The following GREB1L variants were observed in gnomAD, a reference collection of about 807,000 sequenced individuals.
The protein encoded by GREB1L is GREB1 like retinoic acid receptor coactivator.
A neutral mutation model predicts 200.8 loss-of-function variants in GREB1L; 17 were observed. The observed-to-expected ratio is 0.08, with a 90% CI of 0.06 to 0.13. The LOEUF (loss-of-function observed/expected upper bound fraction) is 0.13. Ranked by LOEUF, GREB1L falls within the 10% of genes least tolerant of loss-of-function variation. The probability of loss-of-function intolerance (pLI) is 1.00; values close to 1 mark genes in which losing one functional copy is unlikely to be tolerated. For missense variants in GREB1L, 1,657 were observed against 2,367.7 expected, an observed-to-expected ratio of 0.70 and a Z score of 6.23; for synonymous variants, 789 against 893.0, an observed-to-expected ratio of 0.88 and a Z score of 2.08.
At chr18:21,450,955 A>T in intron 12 of GREB1L, 68 bp from the exon 13 acceptor site, 1 of 1,471,674 alleles carries the variant, frequency 6.8e-7, no homozygotes, top group Non-Finnish European at 9.2e-7. Context: ...AATTGTTGCC[A>T]TTATAAGTAA....
intron 1 of GREB1L, among the ~76,000 whole-genome samples, chr18:21,331,303 CA>C (rs1370526465): frequency 1.3e-5 from 2 of 152,116 alleles, no homozygotes; most frequent in African/African-American, 4.8e-5. Flanking sequence ...TGTGGATATT[CA>C]AAAAGAAGGG....
At chr18:21,260,858 G>GA (rs893603438) in intron 1 of GREB1L, among the ~76,000 whole-genome samples, 22 of 151,992 alleles carry the variant, frequency 1.4e-4, no homozygotes, top group African/African-American at 5.1e-4. Context: ...GTTGAGCTCA[G>GA]AAGGTAGAGA....
chr18:21,293,405 T>G (rs1402415178), intron 1 of GREB1L, among the ~76,000 whole-genome samples: 1 of 152,210 alleles, frequency 6.6e-6, no homozygotes, highest in Admixed American at 6.5e-5. Context: ...ATCATTTTAT[T>G]TTATGTAATG....
At chr18:21,440,053 A>C (rs543788695) in intron 8 of GREB1L, among the ~76,000 whole-genome samples, 1 of 152,360 alleles carries the variant, frequency 6.6e-6, no homozygotes, top group African/African-American at 2.4e-5. Flanking sequence ...TGGGAACTGT[A>C]AAACAACATA....
intron 1 of GREB1L, among the ~76,000 whole-genome samples, chr18:21,270,884 C>T (rs1376259608): frequency 6.6e-6 from 1 of 152,104 alleles, no homozygotes; most frequent in Non-Finnish European, 1.5e-5. Context: ...TTGATTGTGT[C>T]ATTTCATCCT....
At chr18:21,350,953 T>G (rs1257792537) in intron 1 of GREB1L, among the ~76,000 whole-genome samples, 4 of 152,176 alleles carry the variant, frequency 2.6e-5, no homozygotes, top group African/African-American at 7.2e-5. Flanking sequence ...TTATTTATTC[T>G]CATTCTTCTT....
intron 1 of GREB1L, among the ~76,000 whole-genome samples, chr18:21,265,084 C>G (rs1001769956): frequency 4.6e-5 from 7 of 151,952 alleles, no homozygotes; most frequent in Admixed American, 2.0e-4. Context: ...TAGAGCAATT[C>G]AGATTATCTC....
At chr18:21,314,138 G>A (rs1381665969) in intron 1 of GREB1L, among the ~76,000 whole-genome samples, 3 of 152,154 alleles carry the variant, frequency 2.0e-5, no homozygotes, top group Non-Finnish European at 4.4e-5. Flanking sequence ...TGCTCTTCCT[G>A]TATCTGCTAT....
intron 21 of GREB1L, among the ~76,000 whole-genome samples, chr18:21,498,924 CAG>C (rs1169765160): frequency 6.6e-6 from 1 of 152,186 alleles, no homozygotes; most frequent in East Asian, 1.9e-4. Context: ...AAGCCGAGCT[CAG>C]AGAGGGCCTT....
At chr18:21,384,773 T>C (rs537866887) in intron 4 of GREB1L, among the ~76,000 whole-genome samples, 7 of 151,820 alleles carry the variant, frequency 4.6e-5, no homozygotes, top group Admixed American at 3.3e-4. Flanking sequence ...CTCTTCGTAC[T>C]TCTTTCTATT....
intron 1 of GREB1L, among the ~76,000 whole-genome samples, chr18:21,262,157 C>G (rs2037899319): frequency 1.3e-5 from 2 of 152,132 alleles, no homozygotes; most frequent in Non-Finnish European, 2.9e-5. Context: ...TGAAAATCCA[C>G]TAGCATTTTT....
chr18:21,444,571 C>G (rs2034101804), intron 11 of GREB1L, among the ~76,000 whole-genome samples, 162 bp downstream of exon 11: 1 of 152,002 alleles, frequency 6.6e-6, no homozygotes, highest in Non-Finnish European at 1.5e-5. Context: ...TTTTCCCTTT[C>G]CTCTCCTTCA....
At chr18:21,365,917 CTG>C (rs892689926) in intron 1 of GREB1L, 108 bp from the exon 2 acceptor site, 5 of 151,904 alleles carry the variant, frequency 3.3e-5, no homozygotes, top group Admixed American at 2.6e-4. Context: ...TAATTTCTAA[CTG>C]TGATTTTCAT....
intron 14 of GREB1L, among the ~76,000 whole-genome samples, chr18:21,453,304 C>T (rs1161390876): frequency 6.6e-6 from 1 of 152,202 alleles, no homozygotes; most frequent in Non-Finnish European, 1.5e-5. Flanking sequence ...ATTCTCTCAA[C>T]TACTAGGGAG....
At chr18:21,434,054 GA>G (rs548808262) in intron 7 of GREB1L, among the ~76,000 whole-genome samples, 18 of 147,632 alleles carry the variant, frequency 1.2e-4, no homozygotes, top group African/African-American at 2.0e-4. Context: ...TTTATTAAAA[GA>G]AAAAAAAAAC....
intron 15 of GREB1L, among the ~76,000 whole-genome samples, chr18:21,458,657 G>A (rs1373688905): frequency 1.3e-5 from 2 of 152,172 alleles, no homozygotes; most frequent in South Asian, 2.1e-4. Context: ...GAAGCAAAGA[G>A]GGGAGGGAGG....
chr18:21,414,876 T>TA (rs1012800442), intron 7 of GREB1L, among the ~76,000 whole-genome samples: 2 of 152,066 alleles, frequency 1.3e-5, no homozygotes, highest in African/African-American at 2.4e-5. Context: ...AAAAATACAT[T>TA]AAAAAAATTT....
intron 4 of GREB1L, among the ~76,000 whole-genome samples, chr18:21,394,801 TTCACCATTG>T (rs1218292723): frequency 6.6e-6 from 1 of 151,872 alleles, no homozygotes; most frequent in Non-Finnish European, 1.5e-5. Flanking sequence ...TTGTTGTGTA[TTCACCATTG>T]CCCCACTTGT....
chr18:21,524,306 A>G lies in GREB1L; in HGVS notation c.*1485A>G, dbSNP rs2037649748. On this transcript the variant is annotated 3_prime_UTR_variant, in exon 33 of 33. Coordinates refer to ENST00000424526, the MANE Select transcript of GREB1L (RefSeq NM_001142966.3). ...CTAGTGAAAAAATGGAATGTATTAG[A>G]CTAAAAATGGTTTGCAGATCTCTTG... 1 of 152,194 alleles carries G rather than the reference A, an allele frequency of 6.6e-6. No individual in the cohort carries two copies. The highest frequency in any genetic ancestry group is 2.4e-5 in the African/African-American group (1 of 41,446). The allele number at this position is 152,194 out of a possible 1,614,324, so 9.4% of individuals were successfully genotyped here. A position where few individuals can be genotyped will look rare whatever the true frequency, so the allele number is the denominator to read the frequency against.
Sources: allele counts gnomAD v4.1 joint callset (sites outside exome capture counted in the v4.1 genomes callset), GRCh38; gene constraint gnomAD v4.1.1; transcripts MANE v1.5; gene names NCBI Gene and HGNC (gene_info 2026-07-23, HGNC 2026-07-21).